TNFAIP1: variants seen among roughly 807,000 people sequenced by gnomAD.
TNFAIP1 encodes the protein BTB/POZ domain-containing adapter for CUL3-mediated RhoA degradation protein 2.
A neutral mutation model predicts 32.6 loss-of-function variants in TNFAIP1; 20 were observed. That is an observed-to-expected ratio of 0.61 (90% CI 0.43 to 0.89). TNFAIP1 has a LOEUF of 0.89. Ranked by LOEUF, TNFAIP1 falls within the 40% of genes least tolerant of loss-of-function variation. TNFAIP1 has a pLI of 0.00. For missense variants in TNFAIP1, 319 were observed against 425.1 expected, an observed-to-expected ratio of 0.75 and a Z score of 2.20; for synonymous variants, 166 against 166.8, an observed-to-expected ratio of 1.00 and a Z score of 0.04.
Position 28,340,068 on chromosome 17 carries a change from C to T in TNFAIP1, c.206-241C>T, listed in dbSNP as rs2142383483. On this transcript the variant is annotated intron_variant, in intron 2 of 6. Coordinates refer to ENST00000226225, the MANE Select transcript of TNFAIP1 (RefSeq NM_021137.5). The surrounding 1 kb of genome is among the most constrained non-coding windows in gnomAD (Gnocchi z 4.1). The stretch of plus-strand genomic sequence containing the variant: ...TGAGCCTAGGCCCCTGTGGCTTCTA[C>T]AGCCTGGAGGGCTGTATCCCCCGTG... 6.6e-6 allele frequency among the ~76,000 whole-genome samples: 1 copy of T among 152,280 alleles called. No individual in the cohort carries two copies. Among genetic ancestry groups the T allele is most frequent in the Admixed American group, 6.5e-5 (1 of 15,306 alleles).
rs8080867 is a variant in TNFAIP1 at position 28,340,887 on chromosome 17, A to G, written c.376-350A>G. On this transcript the variant is annotated intron_variant, in intron 3 of 6. Coordinates refer to ENST00000226225, the MANE Select transcript of TNFAIP1 (RefSeq NM_021137.5). The surrounding 1 kb of genome is among the most constrained non-coding windows in gnomAD (Gnocchi z 4.1). ...GGCCTTCAGAGTAGCTGGGAATGCC[A>G]GCATGCGCCATGGCACCCAGCTAAT... Among the ~76,000 whole-genome samples the G allele has an allele frequency of 1, 152,310 of 152,312 alleles. 76,154 individuals are homozygous for G. The highest frequency in any genetic ancestry group is 1 in the Middle Eastern group (294 of 294).
Position 28,344,631 on chromosome 17 carries a change from G to C in TNFAIP1, c.*31G>C. 1.2e-6 allele frequency: 2 copies of C among 1,602,308 alleles called. No individual in the cohort carries two copies. The highest frequency in any genetic ancestry group is 1.7e-6 in the Non-Finnish European group (2 of 1,175,420). On this transcript the variant is annotated 3_prime_UTR_variant, in exon 7 of 7. Coordinates refer to ENST00000226225, the MANE Select transcript of TNFAIP1 (RefSeq NM_021137.5). ...CCCTCAGGGAGTCAGGGCACGGGAGGCCCTATCTCCCATCCTGTGGAACCC... is the reference window on the plus strand; with the variant it reads ...CCCTCAGGGAGTCAGGGCACGGGAGCCCCTATCTCCCATCCTGTGGAACCC...
At position 28,345,738 on chromosome 17, in the gene TNFAIP1, G is replaced by C. The variant is rs1216802042; in HGVS notation, c.*1138G>C. The C allele has an allele frequency of 6.6e-6, 1 of 152,304 alleles. No individual in the cohort carries two copies. The highest frequency in any genetic ancestry group is 2.1e-4 in the South Asian group (1 of 4,838). 9.4% of individuals were successfully genotyped at this position (152,304 alleles called of 1,614,324 possible). A position where few individuals can be genotyped will look rare whatever the true frequency, so the allele number is the denominator to read the frequency against. On this transcript the variant is annotated 3_prime_UTR_variant, in exon 7 of 7. Transcript: ENST00000226225. ...CTATGCTCTTGGTTGGTGCTGGCTG[G>C]GATGGCGGTTCTGCCCAGTGGTGTC...
In TNFAIP1 at chr17:28,341,408, T is replaced by A; in HGVS notation, c.470T>A (p.Val157Glu). The stretch of plus-strand genomic sequence containing the variant: ...TCACTCTGAACTCCTTCACAGCCCG[T>A]GGTGAAGCTGCTGTACAACAGAAGC... ...ERLIESSTKP[V>E]VKLLYNRSNN... is the part of the protein sequence containing the mutation. The change falls in exon 5 of 7, where the codon GTG (valine) becomes GAG (glutamate). Residue 157 changes from valine to glutamate, a missense_variant. Coordinates refer to ENST00000226225, the MANE Select transcript of TNFAIP1 (RefSeq NM_021137.5). 1 of 1,614,172 alleles carries A rather than the reference T, an allele frequency of 6.2e-7. No individual in the cohort carries two copies. Among genetic ancestry groups the A allele is most frequent in the Non-Finnish European group, 8.5e-7 (1 of 1,180,012 alleles).
rs1907477517 is a variant in TNFAIP1, at chr17:28,344,531, C to T, written c.882C>T (p.Arg294=). 3 of 1,613,810 alleles carry T rather than the reference C, an allele frequency of 1.9e-6. No homozygotes were observed. The highest frequency in any genetic ancestry group is 2.5e-6 in the Non-Finnish European group (3 of 1,180,046). The change falls in exon 7 of 7, where the codon CGC becomes CGT. Residue 294 remains arginine, a synonymous_variant. Transcript: ENST00000226225. ...TTGAACTGCGGGACCGTGTCCGCCG[C>T]ATCCACGTCAAGCGCTACAGCACTT... ...ETFELRDRVR[R]IHVKRYSTYD...
In TNFAIP1 at chr17:28,340,738, T is replaced by C. The variant is rs377579885; in HGVS notation, c.375+260T>C. On this transcript the variant is annotated intron_variant, in intron 3 of 6. Transcript: ENST00000226225. The surrounding 1 kb of genome is among the most constrained non-coding windows in gnomAD (Gnocchi z 4.1). ...GGGGGTTTTTCTGTTTTTGCTTTTG[T>C]TTCTGTTTTTGTTTTTGTTTTTTGA... Among the ~76,000 whole-genome samples the C allele has an allele frequency of 2.6e-5, 4 of 152,186 alleles. No homozygotes were observed. The East Asian group carries it at 7.7e-4, about 29-fold the overall frequency.
chr17:28,344,463 C>T lies in TNFAIP1; in HGVS notation c.814C>T (p.Arg272Cys), dbSNP rs782727172. The T allele has an allele frequency of 1.2e-6, 2 of 1,614,054 alleles. No homozygotes were observed. The highest frequency in any genetic ancestry group is 1.7e-6 in the Non-Finnish European group (2 of 1,180,036). The change falls in exon 7 of 7, where the codon CGT becomes TGT. Residue 272 changes from arginine (R) to cysteine (C), a missense_variant. Arg to Cys is a radical substitution (Grantham distance 180). Transcript: ENST00000226225. ...PDNSLLEATS[R>C]SRSQASPSED... The stretch of plus-strand genomic sequence containing the variant: ...CAACTCCTTGTTGGAGGCCACAAGC[C>T]GTAGCCGCAGCCAGGCTTCCCCCAG...
chr17:28,345,344 C>T lies in TNFAIP1; in HGVS notation c.*744C>T, dbSNP rs1907518381. On this transcript the variant is annotated 3_prime_UTR_variant, in exon 7 of 7. Transcript: ENST00000226225. ...AGCAGCTCTGGCTTTGCAGCCTGGC[C>T]AGCAGCTCAGAGTGCACCGAGGAGG... 2 of 152,318 alleles carry T rather than the reference C, an allele frequency of 1.3e-5. No individual in the cohort carries two copies. Among genetic ancestry groups the T allele is most frequent in the Admixed American group, 6.5e-5 (1 of 15,268 alleles). The allele number at this position is 152,318 out of a possible 1,614,324, so 9.4% of individuals were successfully genotyped here.
At chr17:28,343,153 TTAA>T (rs1555578432) in intron 6 of TNFAIP1, among the ~76,000 whole-genome samples, 2 of 152,084 alleles carry the variant, frequency 1.3e-5, no homozygotes, top group Non-Finnish European at 2.9e-5. Flanking sequence ...CCAAACACTT[TTAA>T]TAATAATAAA....
At position 28,344,607 on chromosome 17, in the gene TNFAIP1, C is replaced by G; in HGVS notation, c.*7C>G. On this transcript the variant is annotated 3_prime_UTR_variant, in exon 7 of 7. Coordinates refer to ENST00000226225, the MANE Select transcript of TNFAIP1 (RefSeq NM_021137.5). Reference sequence around the variant, plus strand: ...GTCTACCCATCGCGACTGACCAGACCCTCAGGGAGTCAGGGCACGGGAGGC... The same window carrying G: ...GTCTACCCATCGCGACTGACCAGACGCTCAGGGAGTCAGGGCACGGGAGGC... 6.2e-7 allele frequency: 1 copy of G among 1,610,950 alleles called. No homozygotes were observed. Among genetic ancestry groups the G allele is most frequent in the Non-Finnish European group, 8.5e-7 (1 of 1,179,530 alleles).
At position 28,344,931 on chromosome 17, in the gene TNFAIP1, C is replaced by T. The variant is rs1339848010; in HGVS notation, c.*331C>T. On this transcript the variant is annotated 3_prime_UTR_variant, in exon 7 of 7. Transcript: ENST00000226225. The stretch of plus-strand genomic sequence containing the variant: ...GGCCCTGTGCAGAAGGCTACTGCCC[C>T]TTAGGCCTCAGCTGGGGGAAAGGCA... The T allele has an allele frequency of 1.2e-5, 4 of 347,152 alleles. No individual in the cohort carries two copies. The highest frequency in any genetic ancestry group is 6.1e-5 in the African/African-American group (3 of 49,256). 21.5% of individuals were successfully genotyped at this position (347,152 alleles called of 1,614,324 possible). A position where few individuals can be genotyped will look rare whatever the true frequency, so the allele number is the denominator to read the frequency against.
Position 28,342,047 on chromosome 17 carries a change from CAACT to C in TNFAIP1, c.519-199_519-196del, listed in dbSNP as rs1907378515. ...AGCTGTCCCTACTTTGACTTAAAACCAACTGAGTTCCTTTTCCTCACAGGCCCCC... is the reference window on the plus strand; with the variant it reads ...AGCTGTCCCTACTTTGACTTAAAACCGAGTTCCTTTTCCTCACAGGCCCCC... On this transcript the variant is annotated intron_variant, in intron 5 of 6. Coordinates refer to ENST00000226225, the MANE Select transcript of TNFAIP1 (RefSeq NM_021137.5). This position sits in a 1 kb window ranked among gnomAD's most constrained non-coding sequence, Gnocchi z 4.0. Among the ~76,000 whole-genome samples, 1 of 152,138 alleles carries C rather than the reference CAACT, an allele frequency of 6.6e-6. No homozygotes were observed. Among genetic ancestry groups the C allele is most frequent in the Non-Finnish European group, 1.5e-5 (1 of 68,018 alleles).
At chr17:28,337,663 C>T (rs1053678047) in intron 1 of TNFAIP1, among the ~76,000 whole-genome samples, 5 of 152,190 alleles carry the variant, frequency 3.3e-5, no homozygotes, top group East Asian at 1.9e-4. Flanking sequence ...CCACCACACC[C>T]GCCCCCTAAA....
Position 28,344,607 on chromosome 17 carries a change from C to T in TNFAIP1, c.*7C>T. The stretch of plus-strand genomic sequence containing the variant: ...GTCTACCCATCGCGACTGACCAGAC[C>T]CTCAGGGAGTCAGGGCACGGGAGGC... On this transcript the variant is annotated 3_prime_UTR_variant, in exon 7 of 7. Coordinates refer to ENST00000226225, the MANE Select transcript of TNFAIP1 (RefSeq NM_021137.5). 2 of 1,610,950 alleles carry T rather than the reference C, an allele frequency of 1.2e-6. No individual in the cohort carries two copies. The highest frequency in any genetic ancestry group is 2.2e-5 in the South Asian group (2 of 91,080).
chr17:28,343,589 G>T (rs1219268560), intron 6 of TNFAIP1, among the ~76,000 whole-genome samples: 2 of 152,038 alleles, frequency 1.3e-5, no homozygotes, highest in East Asian at 3.9e-4. Context: ...GTGGTGAAAG[G>T]GTTCAGGGGC....
In TNFAIP1 at chr17:28,339,068, CAAAAAA is replaced by C. The variant is rs527819223; in HGVS notation, c.-114-325_-114-320del. 1.7e-3 allele frequency among the ~76,000 whole-genome samples: 172 copies of C among 98,378 alleles called. 1 individual carries two copies. The highest frequency in any genetic ancestry group is 6.3e-3 in the African/African-American group (167 of 26,552). The allele number at this position is 98,378 out of a possible 152,430, so 64.5% of individuals were successfully genotyped here. A position where few individuals can be genotyped will look rare whatever the true frequency, so the allele number is the denominator to read the frequency against. ...CAGCATGGTAAAACCCTGTCTCTAC[CAAAAAA>C]AAAAAAAAAAAAAATTAGCTGGGTG... On this transcript the variant is annotated intron_variant, in intron 1 of 6. Transcript: ENST00000226225.
intron 6 of TNFAIP1, 84 bp from the exon 7 acceptor site, chr17:28,344,280 T>G (rs1199833985): frequency 2.8e-5 from 35 of 1,236,130 alleles, no homozygotes; most frequent in Middle Eastern, 2.3e-4. Context: ...GGAGGCCTTA[T>G]GGAGCCTCAG....
intron 1 of TNFAIP1, 137 bp from the exon 2 acceptor site, chr17:28,339,271 G>T: frequency 5.8e-6 from 2 of 347,162 alleles, no homozygotes; most frequent in East Asian, 4.4e-5. Context: ...AAAGCAAAAT[G>T]GCAGGGACTT....
At position 28,344,717 on chromosome 17, in the gene TNFAIP1, G is replaced by A. The variant is rs1907487656; in HGVS notation, c.*117G>A. The A allele has an allele frequency of 2.1e-5, 22 of 1,032,928 alleles. No homozygotes were observed. The highest frequency in any genetic ancestry group is 3.0e-5 in the Non-Finnish European group (21 of 694,162). The allele number at this position is 1,032,928 out of a possible 1,614,324, so 64.0% of individuals were successfully genotyped here. A position where few individuals can be genotyped will look rare whatever the true frequency, so the allele number is the denominator to read the frequency against. On this transcript the variant is annotated 3_prime_UTR_variant, in exon 7 of 7. Coordinates refer to ENST00000226225, the MANE Select transcript of TNFAIP1 (RefSeq NM_021137.5). ...TCTCTGCTCTAGCACCCAGAGGCAT[G>A]ACAGGCCCTGCTCAGAGGTCAGAGG... is the stretch of plus-strand genomic sequence containing the variant.
Sources: allele counts gnomAD v4.1 joint callset (sites outside exome capture counted in the v4.1 genomes callset), GRCh38; gene constraint gnomAD v4.1.1; non-coding constraint Gnocchi (gnomAD v3.1); transcripts MANE v1.5; gene names NCBI Gene and HGNC (gene_info 2026-07-23, HGNC 2026-07-21).